GRAMD1B: variants seen among roughly 807,000 people sequenced by gnomAD.
GRAMD1B encodes the protein GRAM domain containing 1B, also known as protein Aster-B.
A neutral mutation model predicts 99.7 loss-of-function variants in GRAMD1B; 37 were observed. The observed-to-expected ratio is 0.37, with a 90% CI of 0.29 to 0.49. GRAMD1B has a LOEUF of 0.49. Ranked by LOEUF, GRAMD1B falls within the 20% of genes least tolerant of loss-of-function variation. The pLI is 0.98. For synonymous variants in GRAMD1B, 427 were observed against 387.6 expected (o/e 1.10, Z -1.19); for missense variants, 888 against 1,009.2 (o/e 0.88, Z 1.63).
chr11:123,598,429 G>T (rs915178681), intron 7 of GRAMD1B: 1 of 950,546 alleles, frequency 1.1e-6, no homozygotes, highest in East Asian at 2.4e-5. Flanking sequence ...ACATTTTCAT[G>T]AGTGAGATGT....
At chr11:123,588,444 T>C (rs1293400519) in intron 4 of GRAMD1B, among the ~76,000 whole-genome samples, 1 of 152,152 alleles carries the variant, frequency 6.6e-6, no homozygotes, top group Non-Finnish European at 1.5e-5. Context: ...TGTCTCTATC[T>C]CACCCCTTAC....
Position 123,593,989 on chromosome 11 carries a change from T to C in GRAMD1B, c.685-93T>C. 11 of 879,666 alleles carry C rather than the reference T, an allele frequency of 1.3e-5. 2 individuals carry two copies. In the South Asian group the frequency reaches 1.5e-4, roughly 12 times the overall value. The allele number at this position is 879,666 out of a possible 1,614,324, so 54.5% of individuals were successfully genotyped here. A position where few individuals can be genotyped will look rare whatever the true frequency, so the allele number is the denominator to read the frequency against. On this transcript the variant is annotated intron_variant, in intron 4 of 19. Coordinates refer to ENST00000635736, the MANE Select transcript of GRAMD1B (RefSeq NM_001387025.1). ...AGGGCAGAGCCTCATCTTTGCTTTT[T>C]AAACACACAAGCAAGTGCTCCTCAT...
In GRAMD1B at chr11:123,605,478, G is replaced by GGTAT. The variant is rs777859161; in HGVS notation, c.1323+2_1323+5dup. ...CAGGGAGCAGTGAGGCCCCCGTCTC[G>GGTAT]GTATGGGCAGTCAGCCTTTGACTTC... On this transcript the variant is annotated frameshift_variant and splice_region_variant. Coordinates refer to ENST00000635736, the MANE Select transcript of GRAMD1B (RefSeq NM_001387025.1). LOFTEE classifies it high-confidence loss of function. 1 of 1,607,178 alleles carries GGTAT rather than the reference G, an allele frequency of 6.2e-7. No individual in the cohort carries two copies.
chr11:123,561,801 G>A (rs1165197917), intron 2 of GRAMD1B, among the ~76,000 whole-genome samples: 2 of 152,202 alleles, frequency 1.3e-5, no homozygotes, highest in African/African-American at 4.8e-5. Flanking sequence ...CACTCGGCAG[G>A]TTAGAGAAGT....
At chr11:123,412,613 T>C (rs953491614) in intron 1 of GRAMD1B, among the ~76,000 whole-genome samples, 2 of 152,178 alleles carry the variant, frequency 1.3e-5, no homozygotes, top group African/African-American at 4.8e-5. Flanking sequence ...ACTAGTTTTA[T>C]GGTTCTAACT....
chr11:123,529,524 T>C (rs1943134935), intron 2 of GRAMD1B, among the ~76,000 whole-genome samples: 1 of 152,138 alleles, frequency 6.6e-6, no homozygotes, highest in Non-Finnish European at 1.5e-5. Context: ...GATTCTATGA[T>C]TTCTTCTACT....
intron 1 of GRAMD1B, among the ~76,000 whole-genome samples, chr11:123,477,025 T>G (rs1951311854): frequency 6.6e-6 from 1 of 152,226 alleles, no homozygotes; most frequent in African/African-American, 2.4e-5. Flanking sequence ...CTTGTTTGAT[T>G]CACGTCTTTC....
At chr11:123,606,932 G>T (rs577643212) in intron 11 of GRAMD1B, 134 bp downstream of exon 11, 22 of 645,818 alleles carry the variant, frequency 3.4e-5, no homozygotes, top group Non-Finnish European at 5.6e-5. Context: ...TTAACAAAAG[G>T]TACCTGTTAT....
Position 123,626,210 on chromosome 11 carries a change from CTT to C in GRAMD1B, c.*3618_*3619del, listed in dbSNP as rs1485480407. ...AGCCACTTCTGGTTCTAGCACTTCT[CTT>C]TTGTTAAGATAGGGTTTGGATTTAG... On this transcript the variant is annotated 3_prime_UTR_variant, in exon 20 of 20. Coordinates refer to ENST00000635736, the MANE Select transcript of GRAMD1B (RefSeq NM_001387025.1). 2.0e-5 allele frequency: 3 copies of C among 152,152 alleles called. No homozygotes were observed. The highest frequency in any genetic ancestry group is 7.2e-5 in the African/African-American group (3 of 41,422). The allele number at this position is 152,152 out of a possible 1,614,324, so 9.4% of individuals were successfully genotyped here.
chr11:123,542,988 A>G (rs2135728535), intron 2 of GRAMD1B, among the ~76,000 whole-genome samples: 1 of 151,522 alleles, frequency 6.6e-6, no homozygotes, highest in East Asian at 1.9e-4. Flanking sequence ...TTTTTTTTTA[A>G]ATTGAAACAG....
chr11:123,504,938 T>C (rs1940269864), intron 2 of GRAMD1B, among the ~76,000 whole-genome samples: 1 of 152,194 alleles, frequency 6.6e-6, no homozygotes, highest in South Asian at 2.1e-4. Context: ...AGCCTTGGCC[T>C]CCCAAAGTGC....
chr11:123,395,471 A>G (rs1382208649), intron 1 of GRAMD1B, among the ~76,000 whole-genome samples: 1 of 152,074 alleles, frequency 6.6e-6, no homozygotes, highest in Non-Finnish European at 1.5e-5. Context: ...CAACAACAAC[A>G]ACAACAACAA....
At chr11:123,539,351 C>T (rs1348839793) in intron 2 of GRAMD1B, among the ~76,000 whole-genome samples, 1 of 152,132 alleles carries the variant, frequency 6.6e-6, no homozygotes, top group Non-Finnish European at 1.5e-5. Flanking sequence ...CCTGTAATCT[C>T]AGCACTTTGG....
intron 2 of GRAMD1B, among the ~76,000 whole-genome samples, chr11:123,512,040 T>G (rs1241354085): frequency 1.3e-5 from 2 of 152,248 alleles, no homozygotes; most frequent in Non-Finnish European, 2.9e-5. Flanking sequence ...CAGGTCTCCC[T>G]GGACCCATTC....
chr11:123,407,287 G>T (rs1271604470), intron 1 of GRAMD1B, among the ~76,000 whole-genome samples: 13 of 151,540 alleles, frequency 8.6e-5, no homozygotes, highest in Non-Finnish European at 1.8e-4. Context: ...TTTTCCCGGG[G>T]AACTCTCGAA....
chr11:123,440,274 G>A (rs1303425945), intron 1 of GRAMD1B, among the ~76,000 whole-genome samples: 1 of 152,172 alleles, frequency 6.6e-6, no homozygotes, highest in African/African-American at 2.4e-5. Flanking sequence ...ACTTTGGGAG[G>A]CCAACGCAGG....
intron 1 of GRAMD1B, among the ~76,000 whole-genome samples, chr11:123,386,053 G>C (rs1001802545): frequency 6.6e-6 from 1 of 152,204 alleles, no homozygotes; most frequent in Non-Finnish European, 1.5e-5. Context: ...AAGTTTGACA[G>C]ATTTGAGTTG....
chr11:123,366,742 A>C (rs1946332766), intron 1 of GRAMD1B, among the ~76,000 whole-genome samples: 1 of 152,236 alleles, frequency 6.6e-6, no homozygotes, highest in Non-Finnish European at 1.5e-5. Flanking sequence ...TTTTCAGAGC[A>C]CTGGTGAAGT....
chr11:123,538,417 CT>C (rs1184839787), intron 2 of GRAMD1B, among the ~76,000 whole-genome samples: 1 of 152,114 alleles, frequency 6.6e-6, no homozygotes, highest in Admixed American at 6.5e-5. Flanking sequence ...TAATCATGTA[CT>C]GTACAATTCA....
Sources: allele counts gnomAD v4.1 joint callset (sites outside exome capture counted in the v4.1 genomes callset), GRCh38; gene constraint gnomAD v4.1.1; transcripts MANE v1.5; gene names NCBI Gene and HGNC (gene_info 2026-07-23, HGNC 2026-07-21).